The following TMEM117 variants were observed in gnomAD, a reference collection of about 807,000 sequenced individuals.
TMEM117 encodes transmembrane protein 117.
A neutral mutation model predicts 52.4 loss-of-function variants in TMEM117; 27 were observed. The observed-to-expected ratio is 0.51, with a 90% CI of 0.38 to 0.71. The LOEUF (loss-of-function observed/expected upper bound fraction) is 0.71, where lower values mean the gene tolerates loss of function less well. Among genes scored for constraint, TMEM117 ranks in the 30% least tolerant of loss-of-function variants. The probability of loss-of-function intolerance (pLI) is 0.00; values close to 1 mark genes in which losing one functional copy is unlikely to be tolerated. For missense variants in TMEM117, 556 were observed against 630.5 expected, an observed-to-expected ratio of 0.88 and a Z score of 1.26; for synonymous variants, 215 against 206.3, an observed-to-expected ratio of 1.04 and a Z score of -0.36.
chr12:44,200,057 T>C (rs537445214), intron 4 of TMEM117, among the ~76,000 whole-genome samples: 13 of 152,162 alleles, frequency 8.5e-5, no homozygotes, highest in Non-Finnish European at 1.8e-4. Flanking sequence ...AGATGGAGGT[T>C]GCAGTGAGCC....
chr12:43,892,053 T>A (rs1200410351), intron 2 of TMEM117, among the ~76,000 whole-genome samples: 2 of 152,202 alleles, frequency 1.3e-5, no homozygotes, highest in African/African-American at 4.8e-5. Context: ...GTCAAAATAC[T>A]CCTGGTATCA....
chr12:44,313,424 T>C (rs1390162923), intron 6 of TMEM117, among the ~76,000 whole-genome samples: 2 of 152,184 alleles, frequency 1.3e-5, no homozygotes, highest in African/African-American at 4.8e-5. Context: ...GCTGTAGGTG[T>C]GCAGCTTGTT....
chr12:44,200,652 G>A (rs1352457176), intron 4 of TMEM117, among the ~76,000 whole-genome samples: 7 of 152,180 alleles, frequency 4.6e-5, no homozygotes, highest in African/African-American at 1.4e-4. Context: ...CAGGAATTAA[G>A]ACTAAGTGAC....
At chr12:44,220,711 G>A (rs1949777580) in intron 5 of TMEM117, among the ~76,000 whole-genome samples, 2 of 152,208 alleles carry the variant, frequency 1.3e-5, no homozygotes, top group South Asian at 2.1e-4. Context: ...CTGCAGCATC[G>A]TGTCATGCCA....
At chr12:44,164,196 A>G (rs1050605279) in intron 4 of TMEM117, among the ~76,000 whole-genome samples, 7 of 152,134 alleles carry the variant, frequency 4.6e-5, no homozygotes, top group Non-Finnish European at 1.0e-4. Flanking sequence ...TCTTCAATGA[A>G]TTTATTAATA....
chr12:44,120,523 C>T (rs560790421), intron 3 of TMEM117, among the ~76,000 whole-genome samples: 1 of 152,132 alleles, frequency 6.6e-6, no homozygotes, highest in Non-Finnish European at 1.5e-5. Flanking sequence ...AAAAAGCTAG[C>T]CATGTATGTA....
intron 5 of TMEM117, among the ~76,000 whole-genome samples, chr12:44,238,853 A>C (rs1054198699): frequency 3.3e-5 from 5 of 152,190 alleles, no homozygotes; most frequent in African/African-American, 1.2e-4. Flanking sequence ...CTTTTAAGAC[A>C]AATGCACTCA....
At chr12:43,826,834 T>C in the TMEM117 span, among the ~76,000 whole-genome samples, 1 of 152,068 alleles carries the variant, frequency 6.6e-6, no homozygotes, top group African/African-American at 2.4e-5. Context: ...ATACTGGGGA[T>C]TTTTGTCTGA....
At chr12:44,236,808 G>A (rs529477148) in intron 5 of TMEM117, among the ~76,000 whole-genome samples, 5 of 152,172 alleles carry the variant, frequency 3.3e-5, no homozygotes, top group African/African-American at 1.2e-4. Context: ...TTCAAGGCTT[G>A]AGGCATCATG....
At chr12:44,011,057 A>G (rs1312232236) in intron 3 of TMEM117, among the ~76,000 whole-genome samples, 2 of 152,182 alleles carry the variant, frequency 1.3e-5, no homozygotes, top group Non-Finnish European at 2.9e-5. Flanking sequence ...CATTTCCTGC[A>G]AGATAGGTCT....
the TMEM117 span, among the ~76,000 whole-genome samples, chr12:43,810,540 GAAGATGGTGC>G: frequency 6.6e-6 from 1 of 152,190 alleles, no homozygotes; most frequent in Non-Finnish European, 1.5e-5. Flanking sequence ...AATCTGGTGG[GAAGATGGTGC>G]AAGGGGAACT....
At chr12:44,066,290 A>T (rs575739698) in intron 3 of TMEM117, among the ~76,000 whole-genome samples, 3 of 152,302 alleles carry the variant, frequency 2.0e-5, no homozygotes, top group Admixed American at 1.3e-4. Context: ...TATAGGTGAG[A>T]TGATGGGAGT....
intron 5 of TMEM117, among the ~76,000 whole-genome samples, chr12:44,243,651 GCAAATT>G (rs1950092313): frequency 6.6e-6 from 1 of 151,850 alleles, no homozygotes; most frequent in Admixed American, 6.6e-5. Flanking sequence ...AACTCCTTCA[GCAAATT>G]CTGAAATATA....
At chr12:43,802,127 C>G in the TMEM117 span, among the ~76,000 whole-genome samples, 1 of 152,212 alleles carries the variant, frequency 6.6e-6, no homozygotes, top group Non-Finnish European at 1.5e-5. Context: ...AATCTAAGCA[C>G]ATTATTCCTG....
rs1334992758 is a variant in TMEM117, at chr12:43,913,133, C to G, written c.278-31077C>G. Among the ~76,000 whole-genome samples the G allele has an allele frequency of 5.9e-5, 9 of 152,148 alleles. No homozygotes were observed. In the South Asian group the frequency reaches 1.9e-3, roughly 32 times the overall value. ...TGGCCCTGTCAAATGCACATACCAA[C>G]ATTTAAACACGCTACATTTATTTAA... On this transcript the variant is annotated intron_variant, in intron 2 of 7. Transcript: ENST00000266534.
chr12:44,305,193 T>TG (rs1249182581), intron 6 of TMEM117, among the ~76,000 whole-genome samples: 1 of 152,182 alleles, frequency 6.6e-6, no homozygotes, highest in African/African-American at 2.4e-5. Flanking sequence ...GCCATGGGCC[T>TG]GGGGCAGTGG....
chr12:44,305,403 T>A (rs973682448), intron 6 of TMEM117, among the ~76,000 whole-genome samples: 1 of 151,650 alleles, frequency 6.6e-6, no homozygotes, highest in African/African-American at 2.4e-5. Context: ...AAACTATACA[T>A]CCAACAGAGG....
chr12:44,187,754 A>G (rs145586617), intron 4 of TMEM117, among the ~76,000 whole-genome samples: 21 of 152,160 alleles, frequency 1.4e-4, no homozygotes, highest in Non-Finnish European at 2.9e-4. Context: ...GTTTTTTTAG[A>G]TGGCTGCTTC....
intron 3 of TMEM117, among the ~76,000 whole-genome samples, chr12:43,994,919 A>G (rs1946001834): frequency 1.3e-5 from 2 of 152,190 alleles, no homozygotes; most frequent in African/African-American, 4.8e-5. Flanking sequence ...CATCCAATCC[A>G]ACAGCAATCT....
Sources: allele counts gnomAD v4.1 joint callset (sites outside exome capture counted in the v4.1 genomes callset), GRCh38; gene constraint gnomAD v4.1.1; transcripts MANE v1.5; gene names NCBI Gene and HGNC (gene_info 2026-07-23, HGNC 2026-07-21).